Variants in FAT1 observed in about 807,000 individuals in gnomAD.
The protein encoded by FAT1 is FAT atypical cadherin 1.
A neutral mutation model predicts 329.8 loss-of-function variants in FAT1; 171 were observed. The observed-to-expected ratio is 0.52, with a 90% confidence interval of 0.46 to 0.59. FAT1 has a LOEUF of 0.59. Among genes scored for constraint, FAT1 ranks in the 20% least tolerant of loss-of-function variants. FAT1 has a pLI of 0.00. For synonymous variants in FAT1, 2,233 were observed against 2,228.6 expected (o/e 1.00, Z -0.06); for missense variants, 5,672 against 5,774.4 (o/e 0.98, Z 0.57).
Position 186,708,109 on chromosome 4 carries a change from A to G in FAT1, c.1719T>C (p.Asn573=), listed in dbSNP as rs1186747452. The change falls in exon 2 of 27, where the codon AAT becomes AAC. Residue 573 remains asparagine (N), a synonymous_variant. Coordinates refer to ENST00000441802, the MANE Select transcript of FAT1 (RefSeq NM_005245.4). ...GATCTCTGGGAATTGTCCCTTCACA[A>G]TTTATTTTCTCAAACAAAGGTGTGT... ...NDNTPLFEKI[N]CEGTIPRDLG... is the part of the protein sequence containing the mutation. 1.2e-6 allele frequency: 2 copies of G among 1,613,892 alleles called. No homozygotes were observed. The highest frequency in any genetic ancestry group is 1.7e-5 in the Admixed American group (1 of 60,008).
At chr4:186,657,537 G>C (rs1017009639) in intron 3 of FAT1, among the ~76,000 whole-genome samples, 5 of 152,182 alleles carry the variant, frequency 3.3e-5, no homozygotes, top group Admixed American at 6.5e-5. Flanking sequence ...CTTTGGGAAT[G>C]ATGGGTGTGG....
intron 2 of FAT1, among the ~76,000 whole-genome samples, chr4:186,677,354 T>G (rs1482398756): frequency 6.6e-6 from 1 of 152,172 alleles, no homozygotes; most frequent in Non-Finnish European, 1.5e-5. Context: ...CGCTTCATAT[T>G]AAATCAAACA....
chr4:186,602,202 A>G (rs762855102), intron 20 of FAT1, among the ~76,000 whole-genome samples: 2 of 152,238 alleles, frequency 1.3e-5, no homozygotes, highest in Non-Finnish European at 2.9e-5. Context: ...AAAATGTTCA[A>G]TGATGTCAAA....
intron 16 of FAT1, among the ~76,000 whole-genome samples, chr4:186,607,183 C>T (rs1409732522): frequency 6.6e-6 from 1 of 152,216 alleles, no homozygotes; most frequent in South Asian, 2.1e-4. Context: ...CTTAGATACA[C>T]CCATTATTCT....
At chr4:186,595,266 T>C (rs1738443321) in intron 26 of FAT1, among the ~76,000 whole-genome samples, 1 of 151,818 alleles carries the variant, frequency 6.6e-6, no homozygotes, top group African/African-American at 2.4e-5. Flanking sequence ...AAATCGAACA[T>C]TTCAGACTAT....
At chr4:186,672,180 A>AT (rs1742759990) in intron 2 of FAT1, among the ~76,000 whole-genome samples, 1 of 152,224 alleles carries the variant, frequency 6.6e-6, no homozygotes, top group Non-Finnish European at 1.5e-5. Context: ...TTTAAAAACA[A>AT]TGTTCTATTA....
chr4:186,654,052 CA>C (rs1477188473), intron 3 of FAT1, among the ~76,000 whole-genome samples: 1 of 152,178 alleles, frequency 6.6e-6, no homozygotes, highest in Non-Finnish European at 1.5e-5. Context: ...ACTGGCTCCA[CA>C]ACCACATTTA....
rs1744813516 is a variant in FAT1 at position 186,709,134 on chromosome 4, A to T, written c.694T>A (p.Tyr232Asn). ...ATGCTGCTGATGCCACTGCTCCCATACAACTTCATGCCACGGTCCGCAGCG... is the reference window on the plus strand; with the variant it reads ...ATGCTGCTGATGCCACTGCTCCCATTCAACTTCATGCCACGGTCCGCAGCG... ...ILAADRGMKL[Y>N]GSSGISSMAK... The change falls in exon 2 of 27, where the codon TAT becomes AAT. Residue 232 changes from tyrosine to asparagine, a missense_variant. Tyr to Asn is a moderately radical substitution (Grantham distance 143, BLOSUM62 -2). Coordinates refer to ENST00000441802, the MANE Select transcript of FAT1 (RefSeq NM_005245.4). The T allele has an allele frequency of 6.2e-7, 1 of 1,613,902 alleles. No individual in the cohort carries two copies. Among genetic ancestry groups the T allele is most frequent in the Non-Finnish European group, 8.5e-7 (1 of 1,179,870 alleles).
intron 2 of FAT1, among the ~76,000 whole-genome samples, chr4:186,682,640 T>C (rs1193729080): frequency 2.0e-5 from 3 of 152,208 alleles, no homozygotes; most frequent in Non-Finnish European, 4.4e-5. Context: ...TTTAATGATT[T>C]GTTTTTAAAG....
rs767741078 is a variant in FAT1, at chr4:186,620,469, G to A, written c.6117C>T (p.Phe2039=). 1.6e-5 allele frequency: 26 copies of A among 1,613,864 alleles called. No homozygotes were observed. The highest frequency in any genetic ancestry group is 6.7e-5 in the Admixed American group (4 of 60,000). The part of the protein sequence containing the change: ...SGVLSTTGTP[F]DREQQEAFDV... Reference sequence around the variant, plus strand: ...CAAACGCCTCCTGCTGCTCACGATCGAAGGGCGTGCCAGTGGTTGACAGAA... The same window carrying A: ...CAAACGCCTCCTGCTGCTCACGATCAAAGGGCGTGCCAGTGGTTGACAGAA... Residue 2039 remains phenylalanine, a synonymous_variant, in exon 10 of 27, where the codon TTC becomes TTT. Coordinates refer to ENST00000441802, the MANE Select transcript of FAT1 (RefSeq NM_005245.4).
Position 186,621,460 on chromosome 4 carries a change from G to C in FAT1, c.5126C>G (p.Ala1709Gly), listed in dbSNP as rs2126525476. 6.2e-7 allele frequency: 1 copy of C among 1,614,012 alleles called. No individual in the cohort carries two copies. Among genetic ancestry groups the C allele is most frequent in the Non-Finnish European group, 8.5e-7 (1 of 1,179,882 alleles). ...TCCAGAATGTGGATTAATATCAAAA[G>C]CATCACCTGTATTTCCATCTTTTAT... ...YEIKDGNTGD[A>G]FDINPHSGTI... Residue 1709 changes from alanine (A) to glycine (G), a missense_variant, in exon 10 of 27, where the codon GCT (alanine) becomes GGT (glycine). Ala to Gly is a moderately conservative substitution (Grantham distance 60, BLOSUM62 0). Around this residue, in one of 2 missense-constraint regions of FAT1, gnomAD observed 3,966 missense variants for 3,915.2 expected, o/e 1.01. Coordinates refer to ENST00000441802, the MANE Select transcript of FAT1 (RefSeq NM_005245.4).
At position 186,620,145 on chromosome 4, in the gene FAT1, A is replaced by T. The variant is rs1560941978; in HGVS notation, c.6441T>A (p.Asn2147Lys). The T allele has an allele frequency of 3.1e-6, 5 of 1,613,994 alleles. No individual in the cohort carries two copies. Among genetic ancestry groups the T allele is most frequent in the Non-Finnish European group, 3.4e-6 (4 of 1,179,900 alleles). ...LKKQFELDTL[N>K]KEYLVTVVAK... Reference sequence around the variant, plus strand: ...CAACCACTGTAACAAGATATTCTTTATTTAAGGTGTCAAGCTCAAATTGCT... The same window carrying T: ...CAACCACTGTAACAAGATATTCTTTTTTTAAGGTGTCAAGCTCAAATTGCT... Residue 2147 changes from asparagine (N) to lysine (K), a missense_variant, in exon 10 of 27, where the codon AAT (asparagine) becomes AAA (lysine). By Grantham distance (94) the Asn-to-Lys change is moderately conservative. Transcript: ENST00000441802.
At chr4:186,637,998 A>G (rs1439671112) in intron 4 of FAT1, among the ~76,000 whole-genome samples, 1 of 152,234 alleles carries the variant, frequency 6.6e-6, no homozygotes, top group Non-Finnish European at 1.5e-5. Flanking sequence ...GAAAAACAAG[A>G]AAGAGAAATA....
At chr4:186,600,607 C>T (rs1738766843) in intron 21 of FAT1, among the ~76,000 whole-genome samples, 1 of 152,228 alleles carries the variant, frequency 6.6e-6, no homozygotes, top group South Asian at 2.1e-4. Context: ...TAACTGAACA[C>T]ATAAGCATTA....
intron 26 of FAT1, 26 bp from the exon 27 acceptor site, chr4:186,589,246 A>T (rs573650468): frequency 1.3e-6 from 2 of 1,575,044 alleles, no homozygotes; most frequent in Non-Finnish European, 1.7e-6. Flanking sequence ...AACAGATGTC[A>T]GTGTGTTTTC....
intron 13 of FAT1, 57 bp downstream of exon 13, chr4:186,613,050 AAC>A: frequency 8.2e-7 from 1 of 1,225,394 alleles, no homozygotes; most frequent in South Asian, 1.3e-5. Context: ...TGTGTTTTGA[AAC>A]AGAGGCTCCT....
At position 186,664,988 on chromosome 4, in the gene FAT1, G is replaced by A. The variant is rs149825328; in HGVS notation, c.3266-1375C>T. ...CACGAAATTAAATATTAACTTATTC[G>A]AGGTTAATATCAGAAAAACTCATTT... On this transcript the variant is annotated intron_variant, in intron 2 of 26. Coordinates refer to ENST00000441802, the MANE Select transcript of FAT1 (RefSeq NM_005245.4). Among the ~76,000 whole-genome samples the A allele has an allele frequency of 3.8e-3, 578 of 152,152 alleles. 8 individuals are homozygous for A. The highest frequency in any genetic ancestry group is 0.013 in the African/African-American group (545 of 41,526).
chr4:186,645,364 T>G (rs1410415661), intron 3 of FAT1, among the ~76,000 whole-genome samples: 2 of 79,880 alleles, frequency 2.5e-5, no homozygotes, highest in South Asian at 1.0e-3. Flanking sequence ...GATACTTCAT[T>G]ACATATATAT....
chr4:186,595,659 G>A (rs1456506129), intron 26 of FAT1, 30 bp downstream of exon 26: 1 of 1,611,128 alleles, frequency 6.2e-7, no homozygotes, highest in Admixed American at 1.7e-5. Flanking sequence ...AGCAAGCAAA[G>A]CGCAGTGTTG....
Sources: allele counts gnomAD v4.1 joint callset (sites outside exome capture counted in the v4.1 genomes callset), GRCh38; gene constraint gnomAD v4.1.1; regional missense constraint gnomAD v4.1.1; transcripts MANE v1.5; gene names NCBI Gene and HGNC (gene_info 2026-07-23, HGNC 2026-07-21).